CCDC192: variants seen among roughly 807,000 people sequenced by gnomAD.
CCDC192 encodes coiled-coil domain-containing protein 192.
intron 6 of CCDC192, among the ~76,000 whole-genome samples, chr5:127,894,091 G>T (rs778421706): frequency 3.3e-5 from 5 of 151,976 alleles, no homozygotes; most frequent in Non-Finnish European, 1.5e-5. Context: ...CTCCATTGCA[G>T]GTGTATATGA....
At chr5:127,809,823 G>A (rs954082160) in intron 5 of CCDC192, among the ~76,000 whole-genome samples, 2 of 152,112 alleles carry the variant, frequency 1.3e-5, no homozygotes, top group African/African-American at 4.8e-5. Flanking sequence ...ATAAAAAGGA[G>A]AATAAAGCCC....
intron 3 of CCDC192, chr5:127,786,947 G>A: frequency 2.5e-6 from 1 of 396,478 alleles, no homozygotes; most frequent in Non-Finnish European, 4.9e-6. Flanking sequence ...TGTGCCACAT[G>A]TACACCTGCT....
At chr5:127,819,708 C>T (rs1749195359) in intron 5 of CCDC192, among the ~76,000 whole-genome samples, 1 of 152,092 alleles carries the variant, frequency 6.6e-6, no homozygotes, top group South Asian at 2.1e-4. Context: ...ATTCTGAAAT[C>T]CTTTCATGAA....
intron 5 of CCDC192, chr5:127,857,725 A>G (rs1751161865): frequency 6.6e-6 from 1 of 152,220 alleles, no homozygotes; most frequent in South Asian, 2.1e-4. Context: ...ATGGGCCAGC[A>G]GGCTGGAAAC....
chr5:127,779,107 C>G (rs1168834365), intron 3 of CCDC192, among the ~76,000 whole-genome samples: 1 of 151,998 alleles, frequency 6.6e-6, no homozygotes, highest in African/African-American at 2.4e-5. Flanking sequence ...TATTCTCTAG[C>G]TTGTCATCTC....
At chr5:127,734,173 A>G (rs1414729002) in intron 2 of CCDC192, among the ~76,000 whole-genome samples, 5 of 147,714 alleles carry the variant, frequency 3.4e-5, no homozygotes, top group African/African-American at 7.5e-5. Flanking sequence ...GAGAATATGC[A>G]GTGTTTGGTT....
At chr5:127,739,178 A>G (rs59297107) in intron 2 of CCDC192, among the ~76,000 whole-genome samples, 2,443 of 152,064 alleles carry the variant, frequency 0.016, 59 homozygotes, top group African/African-American at 0.056. Flanking sequence ...GGTCTGTTGG[A>G]ATACCCTGCC....
chr5:127,939,858 T>C (rs1284369492), intron 6 of CCDC192, among the ~76,000 whole-genome samples: 1 of 152,218 alleles, frequency 6.6e-6, no homozygotes, highest in African/African-American at 2.4e-5. Flanking sequence ...ATGTGGGACC[T>C]CAATTGTAAC....
chr5:127,896,093 C>G (rs1348315320), intron 6 of CCDC192, among the ~76,000 whole-genome samples: 1 of 152,028 alleles, frequency 6.6e-6, no homozygotes, highest in African/African-American at 2.4e-5. Context: ...CAGGAATTTG[C>G]ATTTTTAAGT....
At chr5:127,940,266 G>C (rs1385403590) in intron 6 of CCDC192, among the ~76,000 whole-genome samples, 1 of 152,056 alleles carries the variant, frequency 6.6e-6, no homozygotes, top group Non-Finnish European at 1.5e-5. Flanking sequence ...ATTAAGAAGT[G>C]CCAAAAAGAC....
intron 3 of CCDC192, among the ~76,000 whole-genome samples, chr5:127,758,727 G>C (rs1428900777): frequency 1.3e-5 from 2 of 152,178 alleles, no homozygotes; most frequent in Non-Finnish European, 2.9e-5. Flanking sequence ...AAGCTGTTAG[G>C]AATGTGAAAG....
chr5:127,761,623 T>C (rs553575064), intron 3 of CCDC192, among the ~76,000 whole-genome samples: 99 of 152,348 alleles, frequency 6.5e-4, no homozygotes, highest in African/African-American at 2.3e-3. Context: ...GCCAAATTAT[T>C]GCTCTAGGTT....
intron 5 of CCDC192, among the ~76,000 whole-genome samples, chr5:127,830,020 T>C (rs1055196378): frequency 3.9e-5 from 6 of 152,246 alleles, no homozygotes; most frequent in Non-Finnish European, 8.8e-5. Flanking sequence ...ACCTACTTTA[T>C]ATTCATTCTA....
At chr5:127,754,134 G>A (rs1161050066) in intron 2 of CCDC192, 134 bp from the exon 3 acceptor site, 1 of 390,134 alleles carries the variant, frequency 2.6e-6, no homozygotes, top group African/African-American at 2.1e-5. Context: ...TTAAGAAAAG[G>A]GGAGGATTTG....
intron 6 of CCDC192, among the ~76,000 whole-genome samples, chr5:127,920,706 C>CGGCTGCTAAA (rs1753686370): frequency 6.6e-6 from 1 of 151,940 alleles, no homozygotes; most frequent in Admixed American, 6.6e-5. Flanking sequence ...CCACCGCGCC[C>CGGCTGCTAAA]GGCTGCTAAA....
At chr5:127,784,269 A>C (rs1318619852) in intron 3 of CCDC192, among the ~76,000 whole-genome samples, 2 of 152,302 alleles carry the variant, frequency 1.3e-5, no homozygotes, top group East Asian at 3.9e-4. Context: ...CTTGCTCTCA[A>C]AGTGCTGCCA....
chr5:127,810,801 T>C (rs1337246659), intron 5 of CCDC192, among the ~76,000 whole-genome samples: 1 of 152,126 alleles, frequency 6.6e-6, no homozygotes, highest in Non-Finnish European at 1.5e-5. Flanking sequence ...CCATGTGTCA[T>C]GTGTTAGCAG....
chr5:127,724,770 A>C (rs188628992), intron 2 of CCDC192, among the ~76,000 whole-genome samples: 439 of 149,636 alleles, frequency 2.9e-3, no homozygotes, highest in Non-Finnish European at 4.6e-3. Flanking sequence ...AATCGCTTGA[A>C]CCTGGGAGGC....
rs1222157318 is a variant in CCDC192, at chr5:127,882,050, ACTCTAAAGTTAC to A, written c.535+6394_535+6405del. 3.3e-5 allele frequency among the ~76,000 whole-genome samples: 5 copies of A among 152,122 alleles called. No homozygotes were observed. In the East Asian group the frequency reaches 9.7e-4, roughly 29 times the overall value. On this transcript the variant is annotated intron_variant, in intron 6 of 6. Coordinates refer to ENST00000514853, the MANE Select transcript of CCDC192 (RefSeq NM_001317938.2). ...CATTATCCCAATGAAAGTCCTGGCA[ACTCTAAAGTTAC>A]CTCTTTGTTTTACTCCCATTAAGGA...
Sources: allele counts gnomAD v4.1 joint callset (sites outside exome capture counted in the v4.1 genomes callset), GRCh38; gene constraint gnomAD v4.1.1; transcripts MANE v1.5; gene names NCBI Gene and HGNC (gene_info 2026-07-23, HGNC 2026-07-21).